The following PPP1R9A variants were observed in gnomAD, a reference collection of about 807,000 sequenced individuals.
PPP1R9A encodes protein phosphatase 1 regulatory subunit 9A.
A neutral mutation model predicts 141.9 loss-of-function variants in PPP1R9A; 59 were observed. The observed-to-expected ratio is 0.42, with a 90% CI of 0.34 to 0.52. PPP1R9A has a LOEUF of 0.52. Among genes scored for constraint, PPP1R9A ranks in the 20% least tolerant of loss-of-function variants. The pLI is 0.10. For synonymous variants in PPP1R9A, 500 were observed against 569.7 expected (o/e 0.88, Z 1.74); for missense variants, 1,444 against 1,611.9 (o/e 0.90, Z 1.78).
chr7:95,234,488 T>C (rs567575467), intron 8 of PPP1R9A, among the ~76,000 whole-genome samples: 1 of 152,272 alleles, frequency 6.6e-6, no homozygotes, highest in South Asian at 2.1e-4. Flanking sequence ...AAAAGACCTC[T>C]ATAAGGAAAA....
rs572475488 is a variant in PPP1R9A at position 95,094,006 on chromosome 7, C to T, written c.1396-17253C>T. On this transcript the variant is annotated intron_variant, in intron 2 of 19. Transcript: ENST00000433360. ...TAGAAAGATAAGACTCTGCCTCACTCCAAAGCGGCTGATTTATTTGAATAA... is the reference window on the plus strand; with the variant it reads ...TAGAAAGATAAGACTCTGCCTCACTTCAAAGCGGCTGATTTATTTGAATAA... 7.9e-5 allele frequency among the ~76,000 whole-genome samples: 12 copies of T among 152,244 alleles called. No homozygotes were observed. The South Asian group carries it at 2.5e-3, about 32-fold the overall frequency.
chr7:95,273,111 A>G (rs1202759655), intron 14 of PPP1R9A, among the ~76,000 whole-genome samples: 1 of 151,994 alleles, frequency 6.6e-6, no homozygotes, highest in Non-Finnish European at 1.5e-5. Flanking sequence ...CTGTCTTCCT[A>G]TTGGCTTTTG....
intron 2 of PPP1R9A, among the ~76,000 whole-genome samples, chr7:94,954,143 T>C (rs1584374861): frequency 6.6e-6 from 1 of 152,140 alleles, no homozygotes; most frequent in African/African-American, 2.4e-5. Context: ...ATTTTGATGC[T>C]TAGCTCATTA....
At chr7:95,126,933 A>G (rs554531198) in intron 4 of PPP1R9A, among the ~76,000 whole-genome samples, 1 of 152,244 alleles carries the variant, frequency 6.6e-6, no homozygotes, top group Admixed American at 6.5e-5. Context: ...TATAGTGGGA[A>G]TAAACCTGAA....
At chr7:94,937,190 C>T (rs1396486768) in intron 2 of PPP1R9A, among the ~76,000 whole-genome samples, 3 of 152,114 alleles carry the variant, frequency 2.0e-5, no homozygotes, top group African/African-American at 7.2e-5. Context: ...GTGGGATAGG[C>T]TCCTAGAAGT....
In PPP1R9A at chr7:95,286,293, C is replaced by T. The variant is rs769394160; in HGVS notation, c.3697C>T (p.Leu1233Phe). ...AGGAGCAGAACCTAAAACACCAGGG[C>T]TCTCTCAGTCCTTAGCACTGTCATC... ...GLGAEPKTPG[L>F]SQSLALSSDE... Residue 1233 changes from leucine to phenylalanine, a missense_variant, in exon 18 of 20, where the codon CTC becomes TTC. Leu to Phe is a conservative substitution (Grantham distance 22). Around this residue, in one of 5 missense-constraint regions of PPP1R9A, gnomAD observed 459 missense variants for 513.8 expected, o/e 0.89. Transcript: ENST00000433360. The T allele has an allele frequency of 3.4e-5, 55 of 1,613,434 alleles. No homozygotes were observed. The highest frequency in any genetic ancestry group is 1.6e-4 in the Middle Eastern group (1 of 6,076).
intron 5 of PPP1R9A, among the ~76,000 whole-genome samples, chr7:95,190,517 A>G (rs1268346816): frequency 6.6e-6 from 1 of 152,156 alleles, no homozygotes; most frequent in East Asian, 1.9e-4. Context: ...GCCAGCAGTA[A>G]AGTTGTCACG....
intron 16 of PPP1R9A, among the ~76,000 whole-genome samples, chr7:95,282,911 A>G (rs1478112399): frequency 2.6e-5 from 4 of 152,224 alleles, no homozygotes; most frequent in Non-Finnish European, 4.4e-5. Flanking sequence ...TATACTATTT[A>G]TATAAACTGG....
rs1298014288 is a variant in PPP1R9A, at chr7:95,250,033, C to T, written c.2174C>T (p.Ala725Val). Residue 725 changes from alanine to valine, a missense_variant, in exon 10 of 20, where the codon GCA becomes GTA. This residue lies in a region of PPP1R9A where 488 missense variants were observed against 542.0 expected (regional missense o/e 0.90). Transcript: ENST00000433360. ...EIQKLKTKLQ[A>V]AENEKVRWEL... Reference sequence around the variant, plus strand: ...GACGTTTGCTTTCTCCAGCTGCAGGCAGCAGAAAATGAGAAAGTGAGGTGG... The same window carrying T: ...GACGTTTGCTTTCTCCAGCTGCAGGTAGCAGAAAATGAGAAAGTGAGGTGG... 3 of 1,600,778 alleles carry T rather than the reference C, an allele frequency of 1.9e-6. No homozygotes were observed. The highest frequency in any genetic ancestry group is 2.6e-6 in the Non-Finnish European group (3 of 1,175,016).
chr7:94,988,647 A>G (rs1043696423), intron 2 of PPP1R9A, among the ~76,000 whole-genome samples: 7 of 152,210 alleles, frequency 4.6e-5, no homozygotes, highest in African/African-American at 1.7e-4. Context: ...GAAAAGTGAA[A>G]TGAGAAACGT....
intron 7 of PPP1R9A, among the ~76,000 whole-genome samples, chr7:95,225,404 G>C (rs901746701): frequency 6.6e-6 from 1 of 152,118 alleles, no homozygotes; most frequent in Non-Finnish European, 1.5e-5. Context: ...CTTGGTGCAG[G>C]CTGCAAGTTA....
chr7:95,018,628 G>C (rs2151693854), intron 2 of PPP1R9A: 1 of 152,368 alleles, frequency 6.6e-6, no homozygotes, highest in South Asian at 2.1e-4. Context: ...GGCAAAGCCT[G>C]GGTAGGGTTG....
chr7:95,084,195 A>G (rs540821451), intron 2 of PPP1R9A, among the ~76,000 whole-genome samples: 1 of 152,186 alleles, frequency 6.6e-6, no homozygotes, highest in South Asian at 2.1e-4. Flanking sequence ...CCCATGTTGA[A>G]AGAAAAGTTT....
chr7:95,268,794 AAC>A, intron 13 of PPP1R9A, 87 bp downstream of exon 13: 1 of 1,488,184 alleles, frequency 6.7e-7, no homozygotes, highest in Non-Finnish European at 9.1e-7. Context: ...TTTTTCTGCA[AAC>A]AGAGTCTATG....
chr7:95,000,148 G>C (rs1802714977), intron 2 of PPP1R9A, among the ~76,000 whole-genome samples: 2 of 152,108 alleles, frequency 1.3e-5, no homozygotes, highest in Admixed American at 6.6e-5. Context: ...TTCTGATGTA[G>C]TTCTTTTGTA....
At chr7:95,125,788 G>A (rs1218246199) in intron 4 of PPP1R9A, among the ~76,000 whole-genome samples, 1 of 152,044 alleles carries the variant, frequency 6.6e-6, no homozygotes, top group Non-Finnish European at 1.5e-5. Flanking sequence ...GTTCTATGTA[G>A]TTTATCCTCA....
chr7:95,006,125 C>G (rs969621847), intron 2 of PPP1R9A, among the ~76,000 whole-genome samples: 2 of 151,966 alleles, frequency 1.3e-5, no homozygotes, highest in Non-Finnish European at 2.9e-5. Flanking sequence ...AATCTTTCCA[C>G]AAAATCTGAA....
At chr7:95,013,125 C>T (rs1388361136) in intron 2 of PPP1R9A, among the ~76,000 whole-genome samples, 2 of 152,122 alleles carry the variant, frequency 1.3e-5, no homozygotes, top group Non-Finnish European at 2.9e-5. Flanking sequence ...CATGCAGACT[C>T]ACTACCCATG....
chr7:95,013,720 A>G (rs570086673), intron 2 of PPP1R9A, among the ~76,000 whole-genome samples: 36 of 152,246 alleles, frequency 2.4e-4, no homozygotes, highest in Non-Finnish European at 4.0e-4. Context: ...TTGGTTTGCT[A>G]CCAGTGCAAA....
Sources: allele counts gnomAD v4.1 joint callset (sites outside exome capture counted in the v4.1 genomes callset), GRCh38; gene constraint gnomAD v4.1.1; regional missense constraint gnomAD v4.1.1; transcripts MANE v1.5; gene names NCBI Gene and HGNC (gene_info 2026-07-23, HGNC 2026-07-21).